The following DR1 variants were observed in gnomAD, a reference collection of about 807,000 sequenced individuals.
DR1 encodes protein Dr1.
In DR1, 7 loss-of-function variants were observed where a neutral mutation model predicts 19.9. The observed-to-expected ratio is 0.35, with a 90% confidence interval of 0.20 to 0.66. The LOEUF is 0.66. DR1 is among the 30% of genes least tolerant of loss of function. The pLI, the probability that DR1 is intolerant of heterozygous loss-of-function variation, is 0.66. For synonymous variants in DR1, 76 were observed against 72.5 expected, an observed-to-expected ratio of 1.05 and a Z score of -0.24; for missense variants, 98 against 203.7, an observed-to-expected ratio of 0.48 and a Z score of 3.16.
At position 93,368,900 on chromosome 1, in the gene DR1, T is replaced by A. The variant is rs1667201336; in HGVS notation, c.*8261T>A. On this transcript the variant is annotated 3_prime_UTR_variant, in exon 3 of 3. Coordinates refer to ENST00000370272, the MANE Select transcript of DR1 (RefSeq NM_001938.3). Reference sequence around the variant, plus strand: ...AATTAAGTACTGTTGGCCCTCTGTGTCTGGGGGTTCCACATCTATAGATCG... The same window carrying A: ...AATTAAGTACTGTTGGCCCTCTGTGACTGGGGGTTCCACATCTATAGATCG... 1 of 152,148 alleles carries A rather than the reference T, an allele frequency of 6.6e-6. No homozygotes were observed. The highest frequency in any genetic ancestry group is 2.4e-5 in the African/African-American group (1 of 41,430). The allele number at this position is 152,148 out of a possible 1,614,324, so 9.4% of individuals were successfully genotyped here.
chr1:93,361,417 C>T lies in DR1; in HGVS notation c.*778C>T, dbSNP rs1667050202. The T allele has an allele frequency of 6.6e-6, 1 of 152,540 alleles. No homozygotes were observed. The highest frequency in any genetic ancestry group is 1.5e-5 in the Non-Finnish European group (1 of 67,982). The allele number at this position is 152,540 out of a possible 1,614,324, so 9.4% of individuals were successfully genotyped here. On this transcript the variant is annotated 3_prime_UTR_variant, in exon 3 of 3. Transcript: ENST00000370272. ...AATTCAGTAATTGTTGATAGTATTACTTACCTAGTCCATCCATACTCATAT... is the reference window on the plus strand; with the variant it reads ...AATTCAGTAATTGTTGATAGTATTATTTACCTAGTCCATCCATACTCATAT...
chr1:93,353,325 T>C (rs1427214888), intron 1 of DR1, among the ~76,000 whole-genome samples: 1 of 152,176 alleles, frequency 6.6e-6, no homozygotes, highest in Non-Finnish European at 1.5e-5. Flanking sequence ...ATGTTTTTAT[T>C]TTTCCTGTTA....
At chr1:93,358,941 T>C (rs28715207) in intron 2 of DR1, among the ~76,000 whole-genome samples, 2 of 152,108 alleles carry the variant, frequency 1.3e-5, no homozygotes, top group African/African-American at 2.4e-5. Context: ...AAATTTCACA[T>C]AGGATGAGTG....
rs1667175639 is a variant in DR1 at position 93,367,166 on chromosome 1, A to AT, written c.*6527_*6528insT. 6.6e-6 allele frequency: 1 copy of AT among 151,438 alleles called. No homozygotes were observed. The highest frequency in any genetic ancestry group is 2.4e-5 in the African/African-American group (1 of 41,154). The allele number at this position is 151,438 out of a possible 1,614,324, so 9.4% of individuals were successfully genotyped here. A position where few individuals can be genotyped will look rare whatever the true frequency, so the allele number is the denominator to read the frequency against. On this transcript the variant is annotated 3_prime_UTR_variant, in exon 3 of 3. Transcript: ENST00000370272. Reference sequence around the variant, plus strand: ...CCCTGTCTCAAAAAAAAAAAAAAAAAGTAAAAATTATTTACCCAATATTTG... The same window carrying AT: ...CCCTGTCTCAAAAAAAAAAAAAAAAATGTAAAAATTATTTACCCAATATTTG...
At chr1:93,350,975 G>A (rs1033494713) in intron 1 of DR1, among the ~76,000 whole-genome samples, 1 of 152,136 alleles carries the variant, frequency 6.6e-6, no homozygotes, top group Non-Finnish European at 1.5e-5. Flanking sequence ...CGAATTTATG[G>A]TATTTACAAT....
rs1267235409 is a variant in DR1, at chr1:93,364,731, C to T, written c.*4092C>T. ...TAAAGTATTACCACTGGTTCTTATC[C>T]TATTTCCTCAAAATAAATGAGAAGA... On this transcript the variant is annotated 3_prime_UTR_variant, in exon 3 of 3. Coordinates refer to ENST00000370272, the MANE Select transcript of DR1 (RefSeq NM_001938.3). 1 of 151,040 alleles carries T rather than the reference C, an allele frequency of 6.6e-6. No individual in the cohort carries two copies. Among genetic ancestry groups the T allele is most frequent in the Non-Finnish European group, 1.5e-5 (1 of 67,982 alleles). 9.4% of individuals were successfully genotyped at this position (151,040 alleles called of 1,614,324 possible).
rs758243363 is a variant in DR1, at chr1:93,353,966, G to A, written c.279G>A (p.Glu93=). 6.2e-7 allele frequency: 1 copy of A among 1,613,820 alleles called. No individual in the cohort carries two copies. Among genetic ancestry groups the A allele is most frequent in the Non-Finnish European group, 8.5e-7 (1 of 1,179,842 alleles). Residue 93 remains glutamate, a synonymous_variant, in exon 2 of 3, where the codon GAG becomes GAA. Transcript: ENST00000370272. ...YISEVKEVLQ[E]CKTVALKRRK... is the part of the protein sequence containing the mutation. ...GTGAAGTAAAAGAAGTCTTGCAAGA[G>A]TGTAAAACAGTAGCATTAAAAAGAA...
chr1:93,356,492 C>A (rs1359586424), intron 2 of DR1, among the ~76,000 whole-genome samples: 1 of 152,062 alleles, frequency 6.6e-6, no homozygotes. Context: ...AGCTAAAAGT[C>A]AATTAAATTT....
intron 1 of DR1, among the ~76,000 whole-genome samples, chr1:93,349,849 A>G (rs1346494088): frequency 6.6e-6 from 1 of 152,148 alleles, no homozygotes; most frequent in Non-Finnish European, 1.5e-5. Context: ...ACATAAAATT[A>G]TTTTGTCAAA....
At position 93,346,531 on chromosome 1, in the gene DR1, C is replaced by G. The variant is rs1028397749; in HGVS notation, c.-115C>G. On this transcript the variant is annotated 5_prime_UTR_variant, in exon 1 of 3. Transcript: ENST00000370272. ...CCGTTCATTTTCTGCACCCTCTTCG[C>G]AAAGCACCCCCCGGGATCACTCTCC... 1.3e-6 allele frequency: 1 copy of G among 793,740 alleles called. No individual in the cohort carries two copies. Among genetic ancestry groups the G allele is most frequent in the Non-Finnish European group, 2.0e-6 (1 of 492,080 alleles). 49.2% of individuals were successfully genotyped at this position (793,740 alleles called of 1,614,324 possible). A position where few individuals can be genotyped will look rare whatever the true frequency, so the allele number is the denominator to read the frequency against.
Position 93,362,433 on chromosome 1 carries a change from C to T in DR1, c.*1794C>T. ...TTAAGTAAACAACTTAGATATTTTC[C>T]ACACCTTTTTTTTTTTTTCTGATGC... On this transcript the variant is annotated 3_prime_UTR_variant, in exon 3 of 3. Coordinates refer to ENST00000370272, the MANE Select transcript of DR1 (RefSeq NM_001938.3). The T allele has an allele frequency of 8.9e-6, 1 of 112,256 alleles. No homozygotes were observed. Among genetic ancestry groups the T allele is most frequent in the South Asian group, 4.4e-4 (1 of 2,296 alleles). The allele number at this position is 112,256 out of a possible 1,614,324, so 7.0% of individuals were successfully genotyped here.
chr1:93,363,810 T>C lies in DR1; in HGVS notation c.*3171T>C, dbSNP rs1399087621. Reference sequence around the variant, plus strand: ...TGAGATCCATTCTTATTGTTGCATGTATTTGTAGTTCATTCATTCTCATTG... The same window carrying C: ...TGAGATCCATTCTTATTGTTGCATGCATTTGTAGTTCATTCATTCTCATTG... On this transcript the variant is annotated 3_prime_UTR_variant, in exon 3 of 3. Transcript: ENST00000370272. The C allele has an allele frequency of 1.3e-5, 2 of 152,246 alleles. No homozygotes were observed. Among genetic ancestry groups the C allele is most frequent in the Non-Finnish European group, 2.9e-5 (2 of 68,026 alleles). 9.4% of individuals were successfully genotyped at this position (152,246 alleles called of 1,614,324 possible).
At chr1:93,359,251 A>G (rs1667027125) in intron 2 of DR1, among the ~76,000 whole-genome samples, 1 of 152,352 alleles carries the variant, frequency 6.6e-6, no homozygotes, top group African/African-American at 2.4e-5. Context: ...ACATGGTAAA[A>G]TCTTAAATGT....
chr1:93,348,043 C>A (rs1315790708), intron 1 of DR1, among the ~76,000 whole-genome samples: 2 of 151,992 alleles, frequency 1.3e-5, no homozygotes, highest in Non-Finnish European at 2.9e-5. Flanking sequence ...CTTATATTGA[C>A]CATATCCAAT....
rs1667049091 is a variant in DR1 at position 93,361,321 on chromosome 1, T to C, written c.*682T>C. The C allele has an allele frequency of 6.6e-6, 1 of 152,636 alleles. No individual in the cohort carries two copies. Among genetic ancestry groups the C allele is most frequent in the Non-Finnish European group, 1.5e-5 (1 of 68,006 alleles). 9.5% of individuals were successfully genotyped at this position (152,636 alleles called of 1,614,324 possible). On this transcript the variant is annotated 3_prime_UTR_variant, in exon 3 of 3. Coordinates refer to ENST00000370272, the MANE Select transcript of DR1 (RefSeq NM_001938.3). ...TAGTTTTATTACAGCATAATTCATT[T>C]TGAGCTCCACTATGACATTTCAAAG... is the stretch of plus-strand genomic sequence containing the variant.
chr1:93,354,300 A>G (rs552193976), intron 2 of DR1, among the ~76,000 whole-genome samples: 12 of 152,276 alleles, frequency 7.9e-5, no homozygotes, highest in South Asian at 2.1e-4. Flanking sequence ...ATTTCACTTG[A>G]TATTTTTTCA....
At chr1:93,360,099 T>C (rs571697157) in intron 2 of DR1, among the ~76,000 whole-genome samples, 1 of 152,132 alleles carries the variant, frequency 6.6e-6, no homozygotes, top group East Asian at 1.9e-4. Flanking sequence ...AAAGTTGTAA[T>C]ATGAGGGTAC....
chr1:93,356,198 T>G (rs17373023), intron 2 of DR1, among the ~76,000 whole-genome samples: 3,553 of 151,124 alleles, frequency 0.024, 76 homozygotes, highest in Non-Finnish European at 0.032. Flanking sequence ...GTTCAATTTG[T>G]GGAAATGAAT....
chr1:93,361,237 A>G lies in DR1; in HGVS notation c.*598A>G, dbSNP rs985575962. The G allele has an allele frequency of 1.3e-5, 2 of 152,618 alleles. No individual in the cohort carries two copies. Among genetic ancestry groups the G allele is most frequent in the African/African-American group, 2.4e-5 (1 of 41,460 alleles). 9.5% of individuals were successfully genotyped at this position (152,618 alleles called of 1,614,324 possible). Reference sequence around the variant, plus strand: ...AAGGAGTATGTTTAATAGTATTTGTATAAATTTGGTGGTTATGTTTTTTTA... The same window carrying G: ...AAGGAGTATGTTTAATAGTATTTGTGTAAATTTGGTGGTTATGTTTTTTTA... On this transcript the variant is annotated 3_prime_UTR_variant, in exon 3 of 3. Transcript: ENST00000370272.
Sources: gnomAD v4.1 joint callset for allele counts (sites outside exome capture counted in the v4.1 genomes callset) on GRCh38, gnomAD v4.1.1 for gene constraint, MANE v1.5 for transcripts, NCBI Gene and HGNC (gene_info 2026-07-23, HGNC 2026-07-21) for gene names.